Variants in SGCD observed in about 807,000 individuals in gnomAD.
SGCD encodes delta-sarcoglycan.
In SGCD, 18 loss-of-function variants were observed where a neutral mutation model predicts 36.6. That is an observed-to-expected ratio of 0.49 (90% confidence interval 0.34 to 0.73). The LOEUF is 0.73. SGCD is among the 30% of genes least tolerant of loss of function. The pLI, the probability that SGCD is intolerant of heterozygous loss-of-function variation, is 0.01. For missense variants in SGCD, 387 were observed against 346.7 expected, an observed-to-expected ratio of 1.12 and a Z score of -0.92; for synonymous variants, 133 against 130.6, an observed-to-expected ratio of 1.02 and a Z score of -0.12.
chr5:156,356,031 A>T (rs1769475205), intron 3 of SGCD, among the ~76,000 whole-genome samples: 1 of 152,198 alleles, frequency 6.6e-6, no homozygotes, highest in Non-Finnish European at 1.5e-5. Flanking sequence ...TTAGCCAAAG[A>T]TCCAATATAT....
intron 3 of SGCD, among the ~76,000 whole-genome samples, chr5:156,394,952 TC>T (rs1771769932): frequency 6.6e-6 from 1 of 152,250 alleles, no homozygotes; most frequent in South Asian, 2.1e-4. Context: ...ACTGGTTACT[TC>T]CTTTGCTATT....
Position 156,765,431 on chromosome 5 carries a change from G to A in SGCD, c.*6041G>A, listed in dbSNP as rs1240906879. Reference sequence around the variant, plus strand: ...GCCATAGATTCTTTTGACAATCTGAGCCAATCTATGAAACTTCTCCCCAAA... The same window carrying A: ...GCCATAGATTCTTTTGACAATCTGAACCAATCTATGAAACTTCTCCCCAAA... On this transcript the variant is annotated 3_prime_UTR_variant, in exon 9 of 9. Transcript: ENST00000337851. The A allele has an allele frequency of 1.3e-5, 2 of 152,074 alleles. No homozygotes were observed. The highest frequency in any genetic ancestry group is 2.4e-5 in the African/African-American group (1 of 41,390). The allele number at this position is 152,074 out of a possible 1,614,324, so 9.4% of individuals were successfully genotyped here.
chr5:156,210,172 C>T (rs1012873294), intron 3 of SGCD, among the ~76,000 whole-genome samples: 2 of 152,290 alleles, frequency 1.3e-5, no homozygotes, highest in East Asian at 3.9e-4. Context: ...AGCAAACCCA[C>T]CCATCTGCCG....
At chr5:155,849,551 G>T in the SGCD span, among the ~76,000 whole-genome samples, 1 of 152,032 alleles carries the variant, frequency 6.6e-6, no homozygotes, top group African/African-American at 2.4e-5. Context: ...AATGGTAGCT[G>T]AACTTAAAAC....
intron 3 of SGCD, among the ~76,000 whole-genome samples, chr5:156,350,884 G>T (rs2127722119): frequency 6.6e-6 from 1 of 152,268 alleles, no homozygotes; most frequent in African/African-American, 2.4e-5. Context: ...AAGGCTCAGA[G>T]AAGTTGAGTG....
At chr5:155,983,334 CTA>C (rs1758266487) in intron 1 of SGCD, among the ~76,000 whole-genome samples, 1 of 152,210 alleles carries the variant, frequency 6.6e-6, no homozygotes, top group Non-Finnish European at 1.5e-5. Context: ...AGCTCTCACT[CTA>C]TCACCCAGGC....
intron 3 of SGCD, among the ~76,000 whole-genome samples, chr5:156,138,250 A>C (rs1435788230): frequency 1.3e-5 from 2 of 152,118 alleles, no homozygotes; most frequent in Admixed American, 1.3e-4. Flanking sequence ...AAATAGAAAA[A>C]ATTAGCCAAG....
intron 1 of SGCD, among the ~76,000 whole-genome samples, chr5:155,996,015 C>CAA (rs5872445): frequency 9.2e-6 from 1 of 108,888 alleles, no homozygotes; most frequent in Non-Finnish European, 1.8e-5. Context: ...AAAGAACTTA[C>CAA]AAAAAAAAAA....
intron 7 of SGCD, among the ~76,000 whole-genome samples, chr5:156,733,805 A>T (rs893548210): frequency 6.6e-6 from 1 of 151,976 alleles, no homozygotes; most frequent in Non-Finnish European, 1.5e-5. Context: ...TAAGATTACA[A>T]CCCCTGCTTT....
chr5:156,712,218 A>T (rs578025996), intron 7 of SGCD, among the ~76,000 whole-genome samples: 1 of 152,274 alleles, frequency 6.6e-6, no homozygotes, highest in Admixed American at 6.5e-5. Context: ...GCCTTATTTT[A>T]TCCAGCCCCT....
chr5:156,365,693 C>CAT (rs1429797368), intron 3 of SGCD, among the ~76,000 whole-genome samples: 4 of 151,780 alleles, frequency 2.6e-5, no homozygotes, highest in Non-Finnish European at 4.4e-5. Flanking sequence ...TAAATATGGG[C>CAT]ATATATGTGT....
chr5:156,462,614 G>T (rs558584977), intron 3 of SGCD, among the ~76,000 whole-genome samples: 1 of 152,122 alleles, frequency 6.6e-6, no homozygotes, highest in Non-Finnish European at 1.5e-5. Flanking sequence ...GGATTAAGTG[G>T]ATTTTGACTG....
intron 3 of SGCD, among the ~76,000 whole-genome samples, chr5:156,374,662 CT>C (rs34441102): frequency 0.011 from 1,433 of 134,476 alleles, 12 homozygotes; most frequent in Non-Finnish European, 0.017. Flanking sequence ...GCAACCCTGT[CT>C]TTTTTTTTTT....
In SGCD at chr5:155,899,787, A is replaced by G. The variant is rs192907821; in HGVS notation, c.-282+29363A>G. Among the ~76,000 whole-genome samples the G allele has an allele frequency of 2.6e-5, 4 of 152,322 alleles. No homozygotes were observed. In the East Asian group the frequency reaches 7.7e-4, roughly 29 times the overall value. ...TGATAGCCAATTAAATGGTACGCAG[A>G]AGACTATAGGAGAGCTATTGTAAAT... is the stretch of plus-strand genomic sequence containing the variant. On this transcript the variant is annotated intron_variant, in intron 1 of 9. Transcript: ENST00000517913.
intron 6 of SGCD, among the ~76,000 whole-genome samples, chr5:156,620,392 G>C (rs1336770389): frequency 1.3e-5 from 2 of 152,182 alleles, no homozygotes; most frequent in South Asian, 4.1e-4. Flanking sequence ...TCTCAAATAA[G>C]TTATATTCTT....
chr5:155,734,372 C>A, the SGCD span, among the ~76,000 whole-genome samples: 2 of 151,658 alleles, frequency 1.3e-5, no homozygotes, highest in African/African-American at 2.4e-5. Flanking sequence ...GACTAGCTAG[C>A]TAATTTTTGC....
At chr5:156,345,704 C>A (rs1348760480) in intron 3 of SGCD, among the ~76,000 whole-genome samples, 4 of 151,962 alleles carry the variant, frequency 2.6e-5, no homozygotes, top group African/African-American at 7.3e-5. Context: ...AATAACAAAC[C>A]AAGAAACAAA....
At chr5:156,603,211 G>A (rs920191447) in intron 6 of SGCD, among the ~76,000 whole-genome samples, 8 of 151,886 alleles carry the variant, frequency 5.3e-5, no homozygotes, top group East Asian at 1.9e-4. Flanking sequence ...CATCTAGATC[G>A]TCAAGTTTGT....
intron 7 of SGCD, among the ~76,000 whole-genome samples, chr5:156,669,281 G>A (rs1386379962): frequency 6.6e-6 from 1 of 152,018 alleles, no homozygotes; most frequent in Non-Finnish European, 1.5e-5. Flanking sequence ...CAGCCTGTTA[G>A]CCAGACACTA....
Sources: gnomAD v4.1 joint callset for allele counts (sites outside exome capture counted in the v4.1 genomes callset) on GRCh38, gnomAD v4.1.1 for gene constraint, MANE v1.5 for transcripts, NCBI Gene and HGNC (gene_info 2026-07-23, HGNC 2026-07-21) for gene names.